The following MAPK10 variants were observed in gnomAD, a reference collection of about 807,000 sequenced individuals.
MAPK10 encodes mitogen-activated protein kinase 10, also known as JNK3 alpha protein kinase.
In MAPK10, 25 loss-of-function variants were observed where a neutral mutation model predicts 59.3. That is an observed-to-expected ratio of 0.42 (90% CI 0.31 to 0.59). The LOEUF is 0.59. Among genes scored for constraint, MAPK10 ranks in the 20% least tolerant of loss-of-function variants. The probability of loss-of-function intolerance (pLI) is 0.15; values close to 1 mark genes in which losing one functional copy is unlikely to be tolerated. For missense variants in MAPK10, 351 were observed against 568.9 expected, an observed-to-expected ratio of 0.62 and a Z score of 3.90; for synonymous variants, 190 against 200.5, an observed-to-expected ratio of 0.95 and a Z score of 0.44.
intron 4 of MAPK10, among the ~76,000 whole-genome samples, chr4:86,139,398 T>C (rs1375657471): frequency 6.6e-6 from 1 of 150,652 alleles, no homozygotes; most frequent in Non-Finnish European, 1.5e-5. Flanking sequence ...AACTATCTGA[T>C]CTTTGACAAA....
intron 1 of MAPK10, among the ~76,000 whole-genome samples, chr4:86,590,816 A>G (rs1172837991): frequency 6.6e-6 from 1 of 152,148 alleles, no homozygotes; most frequent in African/African-American, 2.4e-5. Flanking sequence ...AACCCAAAAA[A>G]TTATACTGGA....
chr4:86,518,242 C>T (rs1381272300), intron 1 of MAPK10, among the ~76,000 whole-genome samples: 1 of 152,180 alleles, frequency 6.6e-6, no homozygotes, highest in Non-Finnish European at 1.5e-5. Flanking sequence ...AGGCTTGCCT[C>T]GAAATCCTGG....
At chr4:86,451,336 G>A (rs1189584073) in intron 1 of MAPK10, among the ~76,000 whole-genome samples, 1 of 152,130 alleles carries the variant, frequency 6.6e-6, no homozygotes, top group Non-Finnish European at 1.5e-5. Context: ...ATTAAATAGA[G>A]TAAAATATAT....
At position 86,031,331 on chromosome 4, in the gene MAPK10, A is replaced by T. The variant is rs770043448; in HGVS notation, c.1174+37T>A. On this transcript the variant is annotated intron_variant, in intron 12 of 13. Coordinates refer to ENST00000641462, the MANE Select transcript of MAPK10 (RefSeq NM_138982.4). ...CTTGTTGATACTTTCTGAGTTCAAT[A>T]AAATAAAAAGTATACTTTTTTAAGT... 7 of 1,445,916 alleles carry T rather than the reference A, an allele frequency of 4.8e-6. No individual in the cohort carries two copies. The African/African-American group carries it at 9.8e-5, about 20-fold the overall frequency. 89.6% of individuals were successfully genotyped at this position (1,445,916 alleles called of 1,614,324 possible).
intron 3 of MAPK10, among the ~76,000 whole-genome samples, chr4:86,183,307 A>T: frequency 9.5e-6 from 1 of 105,474 alleles, no homozygotes; most frequent in Non-Finnish European, 1.9e-5. Flanking sequence ...ACCCCACAAC[A>T]GTCCCCAGTG....
At chr4:86,267,668 A>C (rs1429562464) in intron 2 of MAPK10, among the ~76,000 whole-genome samples, 1 of 152,062 alleles carries the variant, frequency 6.6e-6, no homozygotes, top group Admixed American at 6.6e-5. Context: ...CACCCGTTTC[A>C]TGATTTTTGC....
chr4:86,321,767 A>G (rs1198903497), intron 2 of MAPK10: 1 of 152,160 alleles, frequency 6.6e-6, no homozygotes, highest in Non-Finnish European at 1.5e-5. Flanking sequence ...GAGTGGTTCT[A>G]CTAAATATCC....
chr4:86,375,948 A>G (rs999512377), intron 1 of MAPK10, among the ~76,000 whole-genome samples: 5 of 152,100 alleles, frequency 3.3e-5, no homozygotes, highest in African/African-American at 1.2e-4. Context: ...TTAACACTAA[A>G]TAACTGAGTG....
intron 3 of MAPK10, chr4:86,193,812 T>A (rs1029994684): frequency 6.3e-6 from 1 of 157,752 alleles, no homozygotes; most frequent in Non-Finnish European, 1.4e-5. Context: ...ATGAAAAGAA[T>A]CTCTTGTAGC....
chr4:86,520,248 C>T (rs191516737), intron 1 of MAPK10, among the ~76,000 whole-genome samples: 45 of 152,246 alleles, frequency 3.0e-4, no homozygotes, highest in African/African-American at 9.6e-4. Flanking sequence ...CGTGGAACAC[C>T]AATTATTCTT....
At chr4:86,162,193 T>TA (rs2069980795) in intron 3 of MAPK10, among the ~76,000 whole-genome samples, 2 of 151,544 alleles carry the variant, frequency 1.3e-5, no homozygotes, top group African/African-American at 4.8e-5. Context: ...TCTACAGAAT[T>TA]AAAAAAGTGC....
intron 1 of MAPK10, among the ~76,000 whole-genome samples, chr4:86,471,862 T>C (rs994588306): frequency 3.3e-5 from 5 of 152,206 alleles, no homozygotes; most frequent in Admixed American, 1.3e-4. Flanking sequence ...AGAAACTGAA[T>C]GTATAAGTAA....
At chr4:86,375,224 T>C (rs1212401283) in intron 1 of MAPK10, among the ~76,000 whole-genome samples, 1 of 152,144 alleles carries the variant, frequency 6.6e-6, no homozygotes, top group Non-Finnish European at 1.5e-5. Context: ...CAGCAATATA[T>C]TTTGTGAGAA....
At chr4:86,178,036 T>G (rs2076074092) in intron 3 of MAPK10, among the ~76,000 whole-genome samples, 2 of 152,106 alleles carry the variant, frequency 1.3e-5, no homozygotes, top group South Asian at 4.1e-4. Context: ...TAAGAATTGT[T>G]TTTAACTGAA....
At chr4:86,486,310 T>G (rs1232619618) in intron 1 of MAPK10, among the ~76,000 whole-genome samples, 3 of 151,940 alleles carry the variant, frequency 2.0e-5, no homozygotes, top group African/African-American at 7.3e-5. Context: ...AAAACATACA[T>G]ACATACATAC....
At chr4:86,336,452 G>A (rs906240182) in intron 2 of MAPK10, 6 of 152,146 alleles carry the variant, frequency 3.9e-5, no homozygotes, top group East Asian at 1.9e-4. Context: ...ACAGACTACC[G>A]AACAGAGGAC....
intron 2 of MAPK10, among the ~76,000 whole-genome samples, chr4:86,304,583 G>A (rs377365158): frequency 2.0e-5 from 3 of 150,958 alleles, no homozygotes; most frequent in Non-Finnish European, 3.0e-5. Flanking sequence ...TAGTAGAGAC[G>A]GGGTTTCACC....
At chr4:86,450,426 T>G (rs895398654) in intron 1 of MAPK10, among the ~76,000 whole-genome samples, 2 of 152,226 alleles carry the variant, frequency 1.3e-5, no homozygotes, top group African/African-American at 4.8e-5. Context: ...ATTCAAAATT[T>G]GACTAAACTG....
rs574706672 is a variant in MAPK10 at position 86,433,555 on chromosome 4, C to CT, written c.-122+19474dup. Among the ~76,000 whole-genome samples, 866 of 97,626 alleles carry CT rather than the reference C, an allele frequency of 8.9e-3. 23 individuals are homozygous for CT. The highest frequency in any genetic ancestry group is 0.01 in the Non-Finnish European group (517 of 50,050). The allele number at this position is 97,626 out of a possible 152,430, so 64.0% of individuals were successfully genotyped here. On this transcript the variant is annotated intron_variant, in intron 1 of 13. Transcript: ENST00000361569. ...ATATTATCACAGTCTGGGCCTTCTT[C>CT]TTTTTTTTTTTTTTTTTTTTTTTTG... is the stretch of plus-strand genomic sequence containing the variant.
Sources: gnomAD v4.1 joint callset for allele counts (sites outside exome capture counted in the v4.1 genomes callset) on GRCh38, gnomAD v4.1.1 for gene constraint, MANE v1.5 for transcripts, NCBI Gene and HGNC (gene_info 2026-07-23, HGNC 2026-07-21) for gene names.